Variants in STK39 observed in about 807,000 individuals in gnomAD.
The protein encoded by STK39 is serine/threonine kinase 39.
Under a neutral mutation model 77.8 loss-of-function variants are expected in STK39, and 20 were observed. That is an observed-to-expected ratio of 0.26 (90% CI 0.18 to 0.37). The LOEUF is 0.37. STK39 is among the 10% of genes least tolerant of loss of function. The pLI, the probability that STK39 is intolerant of heterozygous loss-of-function variation, is 1.00. For synonymous variants in STK39, 246 were observed against 234.1 expected, an observed-to-expected ratio of 1.05 and a Z score of -0.47; for missense variants, 479 against 656.5, an observed-to-expected ratio of 0.73 and a Z score of 2.95.
intron 12 of STK39, among the ~76,000 whole-genome samples, chr2:168,070,222 T>C (rs1685903505): frequency 1.3e-5 from 2 of 152,074 alleles, no homozygotes; most frequent in South Asian, 2.1e-4. Context: ...TAGCGAGCTG[T>C]CTTTACTTTT....
intron 14 of STK39, among the ~76,000 whole-genome samples, chr2:168,054,184 T>C (rs2029075): frequency 2.5e-3 from 375 of 152,322 alleles, no homozygotes; most frequent in Non-Finnish European, 4.3e-3. Flanking sequence ...ATCCCTAAAG[T>C]ACAGGAGTTT....
At chr2:168,022,715 T>C (rs557659701) in intron 14 of STK39, among the ~76,000 whole-genome samples, 1 of 152,260 alleles carries the variant, frequency 6.6e-6, no homozygotes, top group African/African-American at 2.4e-5. Flanking sequence ...AATAAACCGA[T>C]TTCTGGGGAT....
chr2:168,147,425 C>G (rs561011105), intron 5 of STK39, among the ~76,000 whole-genome samples: 1 of 152,312 alleles, frequency 6.6e-6, no homozygotes, highest in South Asian at 2.1e-4. Context: ...TTCAGTTATG[C>G]AAACTGTATA....
chr2:168,065,862 A>G (rs1685779376), intron 12 of STK39, among the ~76,000 whole-genome samples: 1 of 152,222 alleles, frequency 6.6e-6, no homozygotes, highest in Non-Finnish European at 1.5e-5. Flanking sequence ...AAAAATACAT[A>G]AGGATAGTTG....
chr2:168,132,394 C>T (rs1005696923), intron 8 of STK39, among the ~76,000 whole-genome samples: 4 of 151,780 alleles, frequency 2.6e-5, no homozygotes, highest in Non-Finnish European at 5.9e-5. Flanking sequence ...CGCAAATTAG[C>T]GTCTTAAAAA....
At chr2:168,021,967 T>C (rs1217798825) in intron 14 of STK39, among the ~76,000 whole-genome samples, 1 of 152,154 alleles carries the variant, frequency 6.6e-6, no homozygotes, top group Non-Finnish European at 1.5e-5. Flanking sequence ...GTTTTATGCA[T>C]GTACCAGCAA....
chr2:168,055,439 G>A (rs1685498561), intron 14 of STK39, among the ~76,000 whole-genome samples: 1 of 152,202 alleles, frequency 6.6e-6, no homozygotes, highest in Admixed American at 6.5e-5. Context: ...TTGTCATGCT[G>A]AGTTAAAATA....
intron 16 of STK39, among the ~76,000 whole-genome samples, chr2:167,971,714 G>A: frequency 6.6e-6 from 1 of 152,210 alleles, no homozygotes; most frequent in East Asian, 1.9e-4. Flanking sequence ...TTTCAGCTTA[G>A]TTACTATCCC....
chr2:168,112,884 G>A (rs1360153748), intron 10 of STK39: 1 of 152,138 alleles, frequency 6.6e-6, no homozygotes, highest in Non-Finnish European at 1.5e-5. Context: ...GAGGGATCAG[G>A]GGATTACTCT....
At chr2:168,011,377 G>T (rs1684266708) in intron 16 of STK39, among the ~76,000 whole-genome samples, 5 of 86,714 alleles carry the variant, frequency 5.8e-5, no homozygotes, top group Admixed American at 5.6e-4. Flanking sequence ...GTTTTGATTT[G>T]AATATTTTAA....
chr2:168,017,238 G>T, intron 14 of STK39, 143 bp from the exon 15 acceptor site: 1 of 443,522 alleles, frequency 2.3e-6, no homozygotes, highest in Non-Finnish European at 3.9e-6. Context: ...TTTGTTAACT[G>T]GAAAAGATAG....
At chr2:168,208,394 G>T (rs1404514738) in intron 1 of STK39, among the ~76,000 whole-genome samples, 4 of 152,156 alleles carry the variant, frequency 2.6e-5, no homozygotes, top group Admixed American at 6.5e-5. Context: ...GAAACTTTCT[G>T]ACTTTTCTGA....
intron 14 of STK39, among the ~76,000 whole-genome samples, chr2:168,027,433 T>C (rs568016035): frequency 2.6e-5 from 4 of 152,190 alleles, no homozygotes; most frequent in African/African-American, 9.6e-5. Flanking sequence ...GCCTAGAAAA[T>C]GTAGTTAGTA....
intron 16 of STK39, among the ~76,000 whole-genome samples, chr2:167,995,373 G>T (rs552012008): frequency 2.6e-5 from 4 of 152,274 alleles, no homozygotes; most frequent in Non-Finnish European, 5.9e-5. Context: ...CTCCCAAAGT[G>T]CTGGGATTAC....
intron 9 of STK39, 42 bp from the exon 10 acceptor site, chr2:168,129,648 T>A: frequency 6.2e-7 from 1 of 1,613,908 alleles, no homozygotes; most frequent in Non-Finnish European, 8.5e-7. Context: ...TCAAATATGA[T>A]ACACATAAAT....
intron 10 of STK39, among the ~76,000 whole-genome samples, chr2:168,102,792 T>G (rs1686866793): frequency 6.6e-6 from 1 of 151,926 alleles, no homozygotes; most frequent in Non-Finnish European, 1.5e-5. Context: ...TTAGTCTGTG[T>G]GGTGGTGGGC....
At chr2:168,001,113 A>C (rs1683988456) in intron 16 of STK39, among the ~76,000 whole-genome samples, 1 of 152,164 alleles carries the variant, frequency 6.6e-6, no homozygotes, top group Non-Finnish European at 1.5e-5. Flanking sequence ...GCAGACACAG[A>C]ATCTGGCAAG....
chr2:168,179,861 G>A (rs4667566), intron 2 of STK39, among the ~76,000 whole-genome samples: 23,523 of 152,198 alleles, frequency 0.15, 1,925 homozygotes, highest in East Asian at 0.25. Flanking sequence ...TGGAGGAAAC[G>A]CTAGCAGAGG....
At chr2:168,019,996 C>T (rs973174512) in intron 14 of STK39, among the ~76,000 whole-genome samples, 10 of 152,092 alleles carry the variant, frequency 6.6e-5, no homozygotes, top group East Asian at 1.9e-4. Context: ...TAAGCCACTG[C>T]GCCTGGCAAA....
Sources: allele counts gnomAD v4.1 joint callset (sites outside exome capture counted in the v4.1 genomes callset), GRCh38; gene constraint gnomAD v4.1.1; transcripts MANE v1.5; gene names NCBI Gene and HGNC (gene_info 2026-07-23, HGNC 2026-07-21).